The following TTC34 variants were observed in gnomAD, a reference collection of about 807,000 sequenced individuals.
TTC34 encodes the protein tetratricopeptide repeat domain 34.
In TTC34, 44 loss-of-function variants were observed where a neutral mutation model predicts 40.7. That is an observed-to-expected ratio of 1.08 (90% CI 0.85 to 1.39). The LOEUF (loss-of-function observed/expected upper bound fraction) is 1.39. TTC34 is among the 40% of genes most tolerant of loss of function. The pLI, the probability that TTC34 is intolerant of heterozygous loss-of-function variation, is 0.00. For missense variants in TTC34, 884 were observed against 838.0 expected, an observed-to-expected ratio of 1.05 and a Z score of -0.68; for synonymous variants, 422 against 398.6, an observed-to-expected ratio of 1.06 and a Z score of -0.70.
At chr1:2,754,059 C>CCCAGGCGAGCA (rs1641418635) in intron 6 of TTC34, among the ~76,000 whole-genome samples, 1 of 86,678 alleles carries the variant, frequency 1.2e-5, no homozygotes, top group Non-Finnish European at 2.0e-5. Context: ...CACCCACACC[C>CCCAGGCGAGCA]TCAGGTGAGC....
chr1:2,783,271 G>A (rs760304777), intron 6 of TTC34, among the ~76,000 whole-genome samples: 1 of 152,210 alleles, frequency 6.6e-6, no homozygotes, highest in Non-Finnish European at 1.5e-5. Context: ...CAATGCAGCT[G>A]AGGGAACATC....
intron 6 of TTC34, among the ~76,000 whole-genome samples, chr1:2,687,157 A>T (rs1309952318): frequency 1.4e-5 from 2 of 139,942 alleles, no homozygotes; most frequent in Non-Finnish European, 3.0e-5. Context: ...CTGGAACAGT[A>T]CCCACACACA....
intron 5 of TTC34, among the ~76,000 whole-genome samples, chr1:2,784,735 CTAATGATTAA>C (rs1465661580): frequency 2.0e-5 from 3 of 152,232 alleles, no homozygotes; most frequent in Non-Finnish European, 2.9e-5. Context: ...ATATTAAAAG[CTAATGATTAA>C]TAATGATTAA....
intron 6 of TTC34, among the ~76,000 whole-genome samples, chr1:2,650,169 C>G (rs1639100198): frequency 6.9e-6 from 1 of 145,900 alleles, no homozygotes; most frequent in African/African-American, 2.5e-5. Flanking sequence ...GAATGGCACT[C>G]TACACCCTCA....
At chr1:2,693,160 C>G (rs1479637681) in intron 6 of TTC34, among the ~76,000 whole-genome samples, 11 of 50,650 alleles carry the variant, frequency 2.2e-4, no homozygotes, top group Non-Finnish European at 2.9e-4. Flanking sequence ...AGGCGAGCAT[C>G]TGACAGCCTG....
In TTC34 at chr1:2,800,557, A is replaced by G. The variant is rs576278013; in HGVS notation, c.271T>C (p.Ser91Pro). The G allele has an allele frequency of 3.5e-5, 14 of 398,334 alleles. 1 individual carries two copies. In the Admixed American group the frequency reaches 3.5e-4, roughly 10 times the overall value. The allele number at this position is 398,334 out of a possible 1,614,324, so 24.7% of individuals were successfully genotyped here. A position where few individuals can be genotyped will look rare whatever the true frequency, so the allele number is the denominator to read the frequency against. The stretch of plus-strand genomic sequence containing the variant: ...GGGCAGAGGGCGCCGAGGAAGGCAG[A>G]GGCCAGCGACCCTGTCAGGGAGACC... Residue 91 changes from serine to proline, a missense_variant, in exon 2 of 9, where the codon TCT (serine) becomes CCT (proline). Transcript: ENST00000401095.
intron 2 of TTC34, among the ~76,000 whole-genome samples, chr1:2,794,974 G>T (rs1292214656): frequency 6.6e-6 from 1 of 151,678 alleles, no homozygotes; most frequent in Non-Finnish European, 1.5e-5. Flanking sequence ...CTGATGTTTT[G>T]ACCTGGTCAG....
At chr1:2,768,402 G>A (rs1198757997) in intron 6 of TTC34, among the ~76,000 whole-genome samples, 1 of 151,812 alleles carries the variant, frequency 6.6e-6, no homozygotes. Context: ...TGACAGCCCG[G>A]AACAACACCC....
At chr1:2,652,132 T>C (rs200541987) in intron 6 of TTC34, among the ~76,000 whole-genome samples, 2 of 48,004 alleles carry the variant, frequency 4.2e-5, no homozygotes, top group African/African-American at 1.5e-4. Flanking sequence ...CACCCCCAGG[T>C]GAGCATCCGA....
intron 8 of TTC34, among the ~76,000 whole-genome samples, chr1:2,643,984 C>T (rs1041939695): frequency 2.0e-5 from 3 of 152,200 alleles, no homozygotes; most frequent in Non-Finnish European, 2.9e-5. Flanking sequence ...TCAGTCTGGC[C>T]CTGAGGGCAA....
rs561615983 is a variant in TTC34, at chr1:2,695,073, C to T, written c.2227-49510G>A. On this transcript the variant is annotated intron_variant, in intron 6 of 8. Transcript: ENST00000401095. ...CTGACACACTGAAACAGCACACACA[C>T]CCCCAGGCGAGCATCTGACAACCTG... 6.3e-5 allele frequency among the ~76,000 whole-genome samples: 9 copies of T among 143,022 alleles called. No individual in the cohort carries two copies. The South Asian group carries it at 1.1e-3, about 18-fold the overall frequency. 93.8% of individuals were successfully genotyped at this position (143,022 alleles called of 152,430 possible). A position where few individuals can be genotyped will look rare whatever the true frequency, so the allele number is the denominator to read the frequency against.
intron 6 of TTC34, among the ~76,000 whole-genome samples, chr1:2,752,368 C>T (rs1177545351): frequency 2.2e-4 from 4 of 17,834 alleles, no homozygotes; most frequent in Non-Finnish European, 6.4e-4. Context: ...ACAGCACCCA[C>T]ACCCCCAGGC....
In TTC34 at chr1:2,790,637, A is replaced by C. The variant is rs1282797637; in HGVS notation, c.785-291T>G. On this transcript the variant is annotated intron_variant, in intron 2 of 8. Coordinates refer to ENST00000401095, the Ensembl canonical transcript of TTC34. ...GACACTGTGCTCTCAGGGTGGGTTC[A>C]GAGTCACTCCCACCGCTCAGTGCAA... 2.0e-5 allele frequency among the ~76,000 whole-genome samples: 3 copies of C among 152,224 alleles called. No individual in the cohort carries two copies. In the East Asian group the frequency reaches 5.8e-4, roughly 29 times the overall value.
At chr1:2,698,623 G>A (rs1270487951) in intron 6 of TTC34, among the ~76,000 whole-genome samples, 1 of 15,784 alleles carries the variant, frequency 6.3e-5, no homozygotes, top group African/African-American at 3.6e-4. Context: ...GACGAGCATC[G>A]GACAGCCTGG....
In TTC34 at chr1:2,685,809, G is replaced by A. The variant is rs527363430; in HGVS notation, c.2227-40246C>T. ...GAACAGAACCCACACCCCCAGGTGA[G>A]CATCTGACAGACTGGAACGGCACCC... On this transcript the variant is annotated intron_variant, in intron 6 of 8. Transcript: ENST00000401095. Among the ~76,000 whole-genome samples, 6 of 147,142 alleles carry A rather than the reference G, an allele frequency of 4.1e-5. No individual in the cohort carries two copies. In the East Asian group the frequency reaches 1.0e-3, roughly 26 times the overall value.
intron 5 of TTC34, among the ~76,000 whole-genome samples, chr1:2,784,555 C>T (rs531100824): frequency 6.6e-6 from 1 of 152,150 alleles, no homozygotes; most frequent in Non-Finnish European, 1.5e-5. Flanking sequence ...TGGGTGCCTT[C>T]CCAGACACTG....
intron 6 of TTC34, among the ~76,000 whole-genome samples, chr1:2,683,327 G>A (rs541251268): frequency 1.3e-5 from 2 of 149,742 alleles, no homozygotes; most frequent in South Asian, 2.1e-4. Context: ...GTGAGCATCT[G>A]ACAGACTGGA....
Position 2,751,201 on chromosome 1 carries a change from C to A in TTC34, c.2226+32408G>T, listed in dbSNP as rs1387296614. Among the ~76,000 whole-genome samples the A allele has an allele frequency of 2.1e-3, 228 of 109,320 alleles. 60 individuals are homozygous for A. Among genetic ancestry groups the A allele is most frequent in the African/African-American group, 8.7e-3 (216 of 24,748 alleles). 71.7% of individuals were successfully genotyped at this position (109,320 alleles called of 152,430 possible). On this transcript the variant is annotated intron_variant, in intron 6 of 8. Transcript: ENST00000401095. ...GAGCATCCGACAGCCTGGAGCAGCA[C>A]CCACACCCTCAGGTGAGCATCTGAC... is the stretch of plus-strand genomic sequence containing the variant.
intron 6 of TTC34, among the ~76,000 whole-genome samples, chr1:2,681,770 G>A (rs1640084986): frequency 8.3e-6 from 1 of 120,132 alleles, no homozygotes; most frequent in Non-Finnish European, 1.9e-5. Context: ...TGAGAGCCTG[G>A]GTCGGCACCC....
Sources: gnomAD v4.1 joint callset for allele counts (sites outside exome capture counted in the v4.1 genomes callset) on GRCh38, gnomAD v4.1.1 for gene constraint, MANE v1.5 for transcripts, NCBI Gene and HGNC (gene_info 2026-07-23, HGNC 2026-07-21) for gene names.